ZNF592: variants seen among roughly 807,000 people sequenced by gnomAD.
ZNF592 encodes spinocerebellar ataxia, autosomal recessive 5.
In ZNF592, 11 loss-of-function variants were observed where a neutral mutation model predicts 80.3. The ratio of observed to expected loss-of-function variants is 0.14; its 90% CI spans 0.09 to 0.23. ZNF592 has a LOEUF of 0.23. ZNF592 is among the 10% of genes least tolerant of loss of function. The pLI is 1.00. For missense variants in ZNF592, 1,420 were observed against 1,633.9 expected (o/e 0.87, Z 2.26); for synonymous variants, 646 against 640.3 (o/e 1.01, Z -0.13).
At chr15:84,756,190 G>A (rs1456335129) in intron 1 of ZNF592, among the ~76,000 whole-genome samples, 1 of 152,194 alleles carries the variant, frequency 6.6e-6, no homozygotes, top group Non-Finnish European at 1.5e-5. Flanking sequence ...CCTTTTAGGG[G>A]TTTAGCTCAT....
chr15:84,802,348 G>A lies in ZNF592; in HGVS notation c.3759G>A (p.Gln1253=). 1 of 1,613,894 alleles carries A rather than the reference G, an allele frequency of 6.2e-7. No homozygotes were observed. The highest frequency in any genetic ancestry group is 1.1e-5 in the South Asian group (1 of 91,080). ...GCCACAATGATCACAGTCAACCACA[G>A]GCCTCTCAGGACCAGGACAGCCACA... is the stretch of plus-strand genomic sequence containing the variant. ...DGGHNDHSQP[Q]ASQDQDSHTL... The change falls in exon 11 of 11, where the codon CAG becomes CAA. Residue 1253 remains glutamine, a synonymous_variant. Transcript: ENST00000560079.
intron 1 of ZNF592, among the ~76,000 whole-genome samples, chr15:84,759,550 T>C (rs1263187938): frequency 6.6e-6 from 1 of 152,216 alleles, no homozygotes; most frequent in African/African-American, 2.4e-5. Flanking sequence ...CCTCTGAGTC[T>C]AAGGCTTTTG....
chr15:84,796,267 T>TTATATA (rs1165913540), intron 5 of ZNF592, among the ~76,000 whole-genome samples: 2 of 44,236 alleles, frequency 4.5e-5, no homozygotes, highest in Non-Finnish European at 6.7e-5. Flanking sequence ...TATATATATT[T>TTATATA]TATATATATA....
At chr15:84,779,686 A>G (rs1007103330) in intron 3 of ZNF592, among the ~76,000 whole-genome samples, 2 of 151,808 alleles carry the variant, frequency 1.3e-5, no homozygotes, top group Admixed American at 1.3e-4. Context: ...TTCTGCTGCT[A>G]ATATTGAGCT....
chr15:84,761,791 T>C (rs1899358475), intron 1 of ZNF592, among the ~76,000 whole-genome samples: 1 of 152,238 alleles, frequency 6.6e-6, no homozygotes, highest in Non-Finnish European at 1.5e-5. Flanking sequence ...GCACATATGC[T>C]AAGATGATAT....
intron 3 of ZNF592, among the ~76,000 whole-genome samples, chr15:84,778,942 G>A (rs1288540065): frequency 1.3e-5 from 2 of 152,308 alleles, no homozygotes; most frequent in Middle Eastern, 3.4e-3. Context: ...ATGAGTGGAG[G>A]AACACCAGGG....
At chr15:84,777,400 C>T (rs893922880) in intron 2 of ZNF592, among the ~76,000 whole-genome samples, 1 of 146,140 alleles carries the variant, frequency 6.8e-6, no homozygotes. Context: ...TGCTGGAACC[C>T]GGGAAGTGGA....
Position 84,801,886 on chromosome 15 carries a change from C to T in ZNF592, c.3297C>T (p.Val1099=). ...SPQVNHLKRP[V]SGVGDAPGTS... ...AGGTGAACCATCTGAAAAGACCAGTCAGTGGAGTGGGGGACGCTCCAGGCA... is the reference window on the plus strand; with the variant it reads ...AGGTGAACCATCTGAAAAGACCAGTTAGTGGAGTGGGGGACGCTCCAGGCA... The change falls in exon 11 of 11, where the codon GTC becomes GTT. Residue 1099 remains valine, a synonymous_variant. Coordinates refer to ENST00000560079, the MANE Select transcript of ZNF592 (RefSeq NM_014630.3). 1 of 1,613,910 alleles carries T rather than the reference C, an allele frequency of 6.2e-7. No individual in the cohort carries two copies. The highest frequency in any genetic ancestry group is 2.2e-5 in the East Asian group (1 of 44,870).
chr15:84,796,615 A>G (rs1239003604), intron 5 of ZNF592, among the ~76,000 whole-genome samples: 11 of 152,056 alleles, frequency 7.2e-5, no homozygotes, highest in Non-Finnish European at 1.5e-4. Context: ...GGCAGTATTT[A>G]TAGAGAGATG....
rs776043488 is a variant in ZNF592 at position 84,783,872 on chromosome 15, T to G, written c.1197T>G (p.Asp399Glu). The G allele has an allele frequency of 2.0e-5, 32 of 1,614,070 alleles. No individual in the cohort carries two copies. The highest frequency in any genetic ancestry group is 2.7e-5 in the Non-Finnish European group (32 of 1,180,032). The change falls in exon 4 of 11, where the codon GAT (aspartate) becomes GAG (glutamate). Residue 399 changes from aspartate (D) to glutamate (E), a missense_variant. Transcript: ENST00000560079. This position sits in a 1 kb window ranked among gnomAD's most constrained non-coding sequence, Gnocchi z 5.0. ...TCACAAGGATCCTGCCAGATCCTGA[T>G]GATCCAAGTAAGTCCCCTGTTGGGT... ...RTVTRILPDP[D>E]DPSKSPVGSP...
intron 1 of ZNF592, among the ~76,000 whole-genome samples, chr15:84,761,393 G>A (rs1899346456): frequency 6.6e-6 from 1 of 152,128 alleles, no homozygotes; most frequent in South Asian, 2.1e-4. Context: ...CAAGGACCAG[G>A]GGGTCGGCAG....
At chr15:84,791,146 T>A (rs1962736674) in intron 5 of ZNF592, among the ~76,000 whole-genome samples, 1 of 152,250 alleles carries the variant, frequency 6.6e-6, no homozygotes, top group Non-Finnish European at 1.5e-5. Flanking sequence ...TATAATACTT[T>A]GTCTATTTGG....
chr15:84,788,064 A>G (rs1438671107), intron 4 of ZNF592, among the ~76,000 whole-genome samples: 1 of 151,662 alleles, frequency 6.6e-6, no homozygotes, highest in East Asian at 1.9e-4. Context: ...TCCATATCCC[A>G]TATTTTTTCC....
At chr15:84,781,474 A>G (rs1962420631) in intron 3 of ZNF592, among the ~76,000 whole-genome samples, 1 of 151,608 alleles carries the variant, frequency 6.6e-6, no homozygotes, top group Admixed American at 6.6e-5. Context: ...ATGCTGTAAC[A>G]TATACTTTTG....
chr15:84,785,013 G>C, intron 4 of ZNF592, 118 bp downstream of exon 4: 1 of 1,198,322 alleles, frequency 8.3e-7, no homozygotes, highest in Non-Finnish European at 1.2e-6. Context: ...ATGAGTCTTA[G>C]AAGAGGATGT....
At chr15:84,788,207 T>C (rs1166324295) in intron 4 of ZNF592, among the ~76,000 whole-genome samples, 1 of 152,232 alleles carries the variant, frequency 6.6e-6, no homozygotes, top group Non-Finnish European at 1.5e-5. Context: ...GTCTTCACTT[T>C]TAATGATGCT....
intron 2 of ZNF592, among the ~76,000 whole-genome samples, chr15:84,766,706 A>AGTGTGTGTATGTGT (rs142827273): frequency 1.4e-5 from 2 of 140,140 alleles, no homozygotes; most frequent in African/African-American, 5.4e-5. Context: ...GATGAGAAAG[A>AGTGTGTGTATGTGT]GTGTGTGTGT....
At chr15:84,754,707 A>C (rs1345632193) in intron 1 of ZNF592, among the ~76,000 whole-genome samples, 1 of 149,448 alleles carries the variant, frequency 6.7e-6, no homozygotes, top group Non-Finnish European at 1.5e-5. Context: ...CGTCTCTTAA[A>C]AAAAAAAAAA....
chr15:84,798,547 T>C lies in ZNF592; in HGVS notation c.2737-41T>C, dbSNP rs771734091. ...GGCTGGGGGTCTGACTCTGTGCATCTTTCCCCTTGCCCAGTCAGTAATCGC... is the reference window on the plus strand; with the variant it reads ...GGCTGGGGGTCTGACTCTGTGCATCCTTCCCCTTGCCCAGTCAGTAATCGC... On this transcript the variant is annotated intron_variant, in intron 7 of 10. Coordinates refer to ENST00000560079, the MANE Select transcript of ZNF592 (RefSeq NM_014630.3). This position sits in a 1 kb window ranked among gnomAD's most constrained non-coding sequence, Gnocchi z 4.5. The C allele has an allele frequency of 5.6e-6, 9 of 1,613,980 alleles. No individual in the cohort carries two copies. In the East Asian group the frequency reaches 6.7e-5, roughly 12 times the overall value.
Sources: allele counts gnomAD v4.1 joint callset (sites outside exome capture counted in the v4.1 genomes callset), GRCh38; gene constraint gnomAD v4.1.1; non-coding constraint Gnocchi (gnomAD v3.1); transcripts MANE v1.5; gene names NCBI Gene and HGNC (gene_info 2026-07-23, HGNC 2026-07-21).